ULK4: variants seen among roughly 807,000 people sequenced by gnomAD.
ULK4 encodes unc-51 like kinase 4.
Under a neutral mutation model 160.6 loss-of-function variants are expected in ULK4, and 133 were observed. The ratio of observed to expected loss-of-function variants is 0.83; its 90% CI spans 0.72 to 0.96. The LOEUF (loss-of-function observed/expected upper bound fraction) is 0.96, where lower values mean the gene tolerates loss of function less well. ULK4 is among the 40% of genes least tolerant of loss of function. ULK4 has a pLI of 0.00. For synonymous variants in ULK4, 534 were observed against 539.8 expected (o/e 0.99, Z 0.15); for missense variants, 1,580 against 1,499.5 (o/e 1.05, Z -0.89).
intron 1 of ULK4, among the ~76,000 whole-genome samples, chr3:41,960,005 G>C (rs1700616511): frequency 6.6e-6 from 1 of 151,236 alleles, no homozygotes; most frequent in African/African-American, 2.4e-5. Context: ...TTGAAAATAA[G>C]GTTTTAGGCT....
chr3:41,372,337 C>T (rs1383567855), intron 35 of ULK4, among the ~76,000 whole-genome samples: 6 of 152,030 alleles, frequency 3.9e-5, no homozygotes, highest in African/African-American at 1.4e-4. Flanking sequence ...CCAAGAAACA[C>T]AATTGTCAAA....
At chr3:41,286,229 A>G (rs2079453616) in intron 35 of ULK4, among the ~76,000 whole-genome samples, 1 of 152,150 alleles carries the variant, frequency 6.6e-6, no homozygotes, top group Non-Finnish European at 1.5e-5. Flanking sequence ...TCTTTCATAC[A>G]TTACCTTCTT....
intron 35 of ULK4, among the ~76,000 whole-genome samples, chr3:41,343,295 C>CTTTTTTTT (rs55691966): frequency 1.2e-5 from 1 of 85,334 alleles, no homozygotes; most frequent in Non-Finnish European, 2.3e-5. Flanking sequence ...AGCCCAAAAA[C>CTTTTTTTT]TTTTTTTTTT....
chr3:41,780,977 TAAAG>T (rs151214285), intron 21 of ULK4, among the ~76,000 whole-genome samples: 3,272 of 151,676 alleles, frequency 0.022, 47 homozygotes, highest in Non-Finnish European at 0.033. Flanking sequence ...AGCAGAGATA[TAAAG>T]AAAGAGAGGT....
chr3:41,488,523 C>T (rs2084629345), intron 32 of ULK4, among the ~76,000 whole-genome samples: 1 of 152,170 alleles, frequency 6.6e-6, no homozygotes, highest in Admixed American at 6.5e-5. Flanking sequence ...CATGAATATG[C>T]ATTACTTTTG....
chr3:41,715,480 CAG>C lies in ULK4; in HGVS notation c.2542_2543del (p.Leu848AspfsTer31). The C allele has an allele frequency of 1.2e-6, 2 of 1,614,086 alleles. No individual in the cohort carries two copies. Among genetic ancestry groups the C allele is most frequent in the Non-Finnish European group, 8.5e-7 (1 of 1,179,990 alleles). On this transcript the variant is annotated frameshift_variant, in exon 24 of 37. Coordinates refer to ENST00000301831, the MANE Select transcript of ULK4 (RefSeq NM_017886.4). LOFTEE classifies it high-confidence loss of function. ...QVKQLKLCLPLMPVVLHLVTS... is the reference protein window; with the variant it reads ...QVKQLKLCLPXMPVVLHLVTS... The stretch of plus-strand genomic sequence containing the variant: ...TTACGAGGTGAAGCACTACAGGCAT[CAG>C]GGGGAGACACAACTTCAGCTGTTTC...
chr3:41,516,746 GAATA>G (rs2085762508), intron 32 of ULK4, among the ~76,000 whole-genome samples: 1 of 152,104 alleles, frequency 6.6e-6, no homozygotes, highest in South Asian at 2.1e-4. Flanking sequence ...CCAAAAAACA[GAATA>G]AATAAGACCT....
intron 32 of ULK4, among the ~76,000 whole-genome samples, chr3:41,486,481 G>A (rs530433419): frequency 6.6e-6 from 1 of 152,308 alleles, no homozygotes; most frequent in South Asian, 2.1e-4. Flanking sequence ...GAGACTCAAA[G>A]GCAGGCAGGG....
chr3:41,597,860 A>G (rs1378423565), intron 31 of ULK4, among the ~76,000 whole-genome samples: 1 of 152,138 alleles, frequency 6.6e-6, no homozygotes, highest in Non-Finnish European at 1.5e-5. Flanking sequence ...TCAATTTGCA[A>G]TTTGCAATGC....
chr3:41,356,166 C>A (rs1037092728), intron 35 of ULK4, among the ~76,000 whole-genome samples: 2 of 152,156 alleles, frequency 1.3e-5, no homozygotes, highest in African/African-American at 4.8e-5. Flanking sequence ...GTTCTCCCTG[C>A]CAAACTGCTC....
intron 35 of ULK4, among the ~76,000 whole-genome samples, chr3:41,388,498 A>G (rs559401795): frequency 6.6e-6 from 1 of 152,092 alleles, no homozygotes; most frequent in African/African-American, 2.4e-5. Flanking sequence ...TAGGGTTTTT[A>G]TGGTTTTAGG....
chr3:41,308,635 T>C (rs935092431), intron 35 of ULK4, among the ~76,000 whole-genome samples: 4 of 151,858 alleles, frequency 2.6e-5, no homozygotes, highest in Non-Finnish European at 4.4e-5. Flanking sequence ...GAAAGAGAGA[T>C]CAAGTAAGTC....
At chr3:41,559,603 G>C (rs1175868930) in intron 32 of ULK4, among the ~76,000 whole-genome samples, 1 of 151,912 alleles carries the variant, frequency 6.6e-6, no homozygotes, top group African/African-American at 2.4e-5. Flanking sequence ...TTGTGGTTTT[G>C]ATTTGCATTT....
intron 30 of ULK4, among the ~76,000 whole-genome samples, chr3:41,661,498 T>C (rs971284721): frequency 5.2e-5 from 7 of 134,936 alleles, no homozygotes; most frequent in Middle Eastern, 3.5e-3. Flanking sequence ...GATAGACAGA[T>C]AGATAGATAG....
chr3:41,542,839 A>G (rs1231411029), intron 32 of ULK4, among the ~76,000 whole-genome samples: 5 of 151,762 alleles, frequency 3.3e-5, no homozygotes, highest in Non-Finnish European at 5.9e-5. Flanking sequence ...TGATAGTATG[A>G]AAACAAAGTT....
At chr3:41,416,966 G>A (rs969856489) in intron 34 of ULK4, among the ~76,000 whole-genome samples, 3 of 152,130 alleles carry the variant, frequency 2.0e-5, no homozygotes, top group African/African-American at 7.2e-5. Flanking sequence ...GCACTGAAAT[G>A]TACATGTGAT....
At chr3:41,831,204 GT>G (rs2041570196) in intron 18 of ULK4, among the ~76,000 whole-genome samples, 1 of 151,570 alleles carries the variant, frequency 6.6e-6, no homozygotes, top group South Asian at 2.1e-4. Context: ...ATTTTTGCAA[GT>G]TTTTTAGACG....
intron 18 of ULK4, among the ~76,000 whole-genome samples, chr3:41,832,479 T>C (rs1052448224): frequency 1.3e-5 from 2 of 152,374 alleles, no homozygotes; most frequent in Admixed American, 1.3e-4. Flanking sequence ...TTTTCTCCCA[T>C]TCTGTAGGCT....
chr3:41,323,391 A>AACACACACACACACACACACACAC (rs34357899), intron 35 of ULK4, among the ~76,000 whole-genome samples: 1 of 120,266 alleles, frequency 8.3e-6, no homozygotes, highest in African/African-American at 3.1e-5. Context: ...CCTGAACAAT[A>AACACACACACACACACACACACAC]ACACACACAC....
Sources: gnomAD v4.1 joint callset for allele counts (sites outside exome capture counted in the v4.1 genomes callset) on GRCh38, gnomAD v4.1.1 for gene constraint, MANE v1.5 for transcripts, NCBI Gene and HGNC (gene_info 2026-07-23, HGNC 2026-07-21) for gene names.